The following TSHZ2 variants were observed in gnomAD, a reference collection of about 807,000 sequenced individuals.
TSHZ2 encodes the protein teashirt zinc finger homeobox 2, also known as teashirt homolog 2.
Under a neutral mutation model 74.4 loss-of-function variants are expected in TSHZ2, and 21 were observed. The ratio of observed to expected loss-of-function variants is 0.28; its 90% CI spans 0.20 to 0.41. TSHZ2 has a LOEUF of 0.41. Ranked by LOEUF, TSHZ2 falls within the 10% of genes least tolerant of loss-of-function variation. The probability of loss-of-function intolerance (pLI) is 1.00; values close to 1 mark genes in which losing one functional copy is unlikely to be tolerated. For synonymous variants in TSHZ2, 540 were observed against 515.3 expected (o/e 1.05, Z -0.65); for missense variants, 1,244 against 1,293.5 (o/e 0.96, Z 0.59).
At chr20:53,075,972 C>T (rs780754159) in intron 1 of TSHZ2, among the ~76,000 whole-genome samples, 1 of 152,222 alleles carries the variant, frequency 6.6e-6, no homozygotes, top group African/African-American at 2.4e-5. Flanking sequence ...CACCCAACCC[C>T]TCTTGACCTC....
intron 1 of TSHZ2, among the ~76,000 whole-genome samples, chr20:53,231,996 C>T (rs1479112139): frequency 6.6e-6 from 1 of 152,150 alleles, no homozygotes; most frequent in Non-Finnish European, 1.5e-5. Context: ...GCCATCCTCC[C>T]ACCTTAGCCT....
chr20:53,289,338 G>A (rs1991237543), intron 2 of TSHZ2, among the ~76,000 whole-genome samples: 1 of 152,080 alleles, frequency 6.6e-6, no homozygotes. Context: ...CCGAATAGTG[G>A]GATTGCCTCA....
At chr20:53,354,647 G>A (rs138076610) in intron 2 of TSHZ2, among the ~76,000 whole-genome samples, 4 of 152,260 alleles carry the variant, frequency 2.6e-5, no homozygotes, top group African/African-American at 7.2e-5. Flanking sequence ...GAGAAATTCC[G>A]AGATGAAAAC....
intron 1 of TSHZ2, among the ~76,000 whole-genome samples, chr20:53,136,367 C>T (rs1195803272): frequency 6.6e-6 from 1 of 152,074 alleles, no homozygotes; most frequent in Admixed American, 6.5e-5. Flanking sequence ...ATGGAGAAAA[C>T]CAAGGGATCG....
chr20:53,323,568 T>TTTTTC (rs1979366869), intron 2 of TSHZ2, among the ~76,000 whole-genome samples: 1 of 76,406 alleles, frequency 1.3e-5, no homozygotes, highest in African/African-American at 5.8e-5. Flanking sequence ...GAGGGCTTTT[T>TTTTTC]TTTTTTTTTT....
chr20:53,284,139 A>T (rs1190004252), intron 2 of TSHZ2, among the ~76,000 whole-genome samples: 21 of 152,196 alleles, frequency 1.4e-4, no homozygotes, highest in Non-Finnish European at 1.5e-5. Context: ...CGCCTCGAAC[A>T]ACGTGAAATG....
intron 1 of TSHZ2, among the ~76,000 whole-genome samples, chr20:53,219,425 G>A (rs987095269): frequency 6.6e-6 from 1 of 152,148 alleles, no homozygotes; most frequent in Non-Finnish European, 1.5e-5. Flanking sequence ...GCATCATTTT[G>A]TATTAAATTT....
chr20:53,447,975 G>A (rs377648740), intron 2 of TSHZ2, among the ~76,000 whole-genome samples: 25 of 150,548 alleles, frequency 1.7e-4, no homozygotes, highest in Admixed American at 2.6e-4. Flanking sequence ...GTGCAGAGGC[G>A]TGATCTCGGC....
chr20:53,242,737 C>A (rs1018611076), intron 1 of TSHZ2, among the ~76,000 whole-genome samples: 1 of 152,118 alleles, frequency 6.6e-6, no homozygotes, highest in African/African-American at 2.4e-5. Flanking sequence ...CAAATTGGGA[C>A]CAGTGAGTAA....
intron 2 of TSHZ2, among the ~76,000 whole-genome samples, chr20:53,482,194 C>T (rs1300237691): frequency 6.7e-6 from 1 of 148,558 alleles, no homozygotes; most frequent in Non-Finnish European, 1.5e-5. Flanking sequence ...TGTCAATGTT[C>T]AGCACTTGAA....
At chr20:53,433,397 G>A (rs923376923) in intron 2 of TSHZ2, among the ~76,000 whole-genome samples, 4 of 149,600 alleles carry the variant, frequency 2.7e-5, no homozygotes, top group Non-Finnish European at 5.9e-5. Flanking sequence ...CATTAAATGG[G>A]TGTCGTAGCA....
intron 1 of TSHZ2, among the ~76,000 whole-genome samples, chr20:53,000,919 G>A (rs1481951453): frequency 6.6e-6 from 1 of 152,132 alleles, no homozygotes; most frequent in African/African-American, 2.4e-5. Flanking sequence ...CAGTCTTCCT[G>A]TGTTTTTCCT....
At chr20:53,092,918 C>A (rs2044564523) in intron 1 of TSHZ2, among the ~76,000 whole-genome samples, 1 of 152,180 alleles carries the variant, frequency 6.6e-6, no homozygotes, top group African/African-American at 2.4e-5. Flanking sequence ...TGGAAAGCAG[C>A]TATAGACTAG....
At chr20:53,416,389 CAGT>C (rs1983255990) in intron 2 of TSHZ2, among the ~76,000 whole-genome samples, 1 of 152,214 alleles carries the variant, frequency 6.6e-6, no homozygotes, top group African/African-American at 2.4e-5. Flanking sequence ...TTCCTTCAGA[CAGT>C]AGTCGGGCTC....
chr20:53,010,901 T>C (rs1433710903), intron 1 of TSHZ2, among the ~76,000 whole-genome samples: 1 of 152,196 alleles, frequency 6.6e-6, no homozygotes, highest in East Asian at 1.9e-4. Context: ...TAGAAAAATT[T>C]TATTTTGTAG....
At chr20:53,270,038 T>A (rs1371826477) in intron 2 of TSHZ2, among the ~76,000 whole-genome samples, 2 of 152,142 alleles carry the variant, frequency 1.3e-5, no homozygotes, top group East Asian at 3.9e-4. Context: ...CATTTTTCAA[T>A]AAAACTGGGA....
chr20:53,073,954 C>T (rs988305364), intron 1 of TSHZ2, among the ~76,000 whole-genome samples: 1 of 152,196 alleles, frequency 6.6e-6, no homozygotes, highest in South Asian at 2.1e-4. Flanking sequence ...GATTTTGCTA[C>T]ATACTTTGGG....
chr20:53,140,702 A>G (rs1405806581), intron 1 of TSHZ2, among the ~76,000 whole-genome samples: 2 of 152,108 alleles, frequency 1.3e-5, no homozygotes, highest in African/African-American at 4.8e-5. Flanking sequence ...CATGACCCAA[A>G]CAAGCTTCCC....
Position 53,488,850 on chromosome 20 carries a change from AC to A in TSHZ2, c.*1716del. 2 of 339,488 alleles carry A rather than the reference AC, an allele frequency of 5.9e-6. No homozygotes were observed. The highest frequency in any genetic ancestry group is 1.5e-4 in the East Asian group (2 of 12,948). 21.0% of individuals were successfully genotyped at this position (339,488 alleles called of 1,614,324 possible). A position where few individuals can be genotyped will look rare whatever the true frequency, so the allele number is the denominator to read the frequency against. ...ACATTGGGATTAAAAAAAAAAAAAA[AC>A]TTCTTATTTACCTCCTAGGGAAAGT... On this transcript the variant is annotated 3_prime_UTR_variant, in exon 3 of 3. Coordinates refer to ENST00000371497, the MANE Select transcript of TSHZ2 (RefSeq NM_173485.6).
Sources: gnomAD v4.1 joint callset for allele counts (sites outside exome capture counted in the v4.1 genomes callset) on GRCh38, gnomAD v4.1.1 for gene constraint, MANE v1.5 for transcripts, NCBI Gene and HGNC (gene_info 2026-07-23, HGNC 2026-07-21) for gene names.